Variants in PEX12 observed in about 807,000 individuals in gnomAD.
The protein encoded by PEX12 is peroxisomal biogenesis factor 12.
Under a neutral mutation model 32.5 loss-of-function variants are expected in PEX12, and 31 were observed. The ratio of observed to expected loss-of-function variants is 0.95; its 90% CI spans 0.72 to 1.29. The LOEUF (loss-of-function observed/expected upper bound fraction) is 1.29. Ranked by LOEUF, PEX12 falls within the 50% of genes most tolerant of loss-of-function variation. The pLI, the probability that PEX12 is intolerant of heterozygous loss-of-function variation, is 0.00. For synonymous variants in PEX12, 148 were observed against 157.2 expected, an observed-to-expected ratio of 0.94 and a Z score of 0.44; for missense variants, 359 against 419.0, an observed-to-expected ratio of 0.86 and a Z score of 1.25.
chr17:35,577,523 CAGAGT>C lies in PEX12; in HGVS notation c.190_194del (p.Thr64AlafsTer12), dbSNP rs1214971073. The C allele has an allele frequency of 6.2e-7, 1 of 1,613,806 alleles. No homozygotes were observed. Among genetic ancestry groups the C allele is most frequent in the South Asian group, 1.1e-5 (1 of 91,084 alleles). ...AATGTTGCTGGAGCAGAAGATCTAG[CAGAGT>C]AAAGATTTCATCAAACCACCTCCAC... On this transcript the variant is annotated frameshift_variant, in exon 2 of 3. Coordinates refer to ENST00000225873, the MANE Select transcript of PEX12 (RefSeq NM_000286.3). LOFTEE classifies it high-confidence loss of function.
intron 1 of PEX12, 145 bp downstream of exon 1, chr17:35,577,751 C>CA: frequency 7.6e-7 from 1 of 1,314,296 alleles, no homozygotes; most frequent in Non-Finnish European, 1.1e-6. Flanking sequence ...CTACACATAA[C>CA]AGAGACTCAG....
At position 35,577,979 on chromosome 17, in the gene PEX12, C is replaced by T. The variant is rs200048804; in HGVS notation, c.43G>A (p.Asp15Asn). Reference protein sequence around the residue: ...GAHFTAASVADDQPSIFEVVA... With the variant: ...GAHFTAASVANDQPSIFEVVA... ...ACCTCAAAGATGGATGGCTGGTCAT[C>T]GGCCACAGAAGCAGCTGTGAAGTGA... is the stretch of plus-strand genomic sequence containing the variant. Residue 15 changes from aspartate (D) to asparagine (N), a missense_variant, in exon 1 of 3, where the codon GAT (aspartate) becomes AAT (asparagine). Coordinates refer to ENST00000225873, the MANE Select transcript of PEX12 (RefSeq NM_000286.3). 5 of 1,614,142 alleles carry T rather than the reference C, an allele frequency of 3.1e-6. No individual in the cohort carries two copies. The African/African-American group carries it at 5.3e-5, about 17-fold the overall frequency.
Position 35,577,474 on chromosome 17 carries a change from A to G in PEX12, c.244T>C (p.Phe82Leu), listed in dbSNP as rs2142231070. The G allele has an allele frequency of 2.5e-6, 4 of 1,614,152 alleles. No homozygotes were observed. The highest frequency in any genetic ancestry group is 1.3e-5 in the African/African-American group (1 of 75,060). ...QHYLSRTSAS[F>L]SENFYGLKRI... ...TTTAAGCCGTAAAAGTTTTCAGAAAATGAGGCACTGGTTCTAGACAGATAA... is the reference window on the plus strand; with the variant it reads ...TTTAAGCCGTAAAAGTTTTCAGAAAGTGAGGCACTGGTTCTAGACAGATAA... The change falls in exon 2 of 3, where the codon TTT becomes CTT. Residue 82 changes from phenylalanine (F) to leucine (L), a missense_variant. Coordinates refer to ENST00000225873, the MANE Select transcript of PEX12 (RefSeq NM_000286.3).
Position 35,577,139 on chromosome 17 carries a change from C to T in PEX12, c.579G>A (p.Leu193=). Residue 193 remains leucine, a synonymous_variant, in exon 2 of 3, where the codon CTG becomes CTA. Transcript: ENST00000225873. ...GACCTAGCTGAACTCCAGCCAGCCTCAGCAGTGGTGAGTGATGCTGAGCTT... is the reference window on the plus strand; with the variant it reads ...GACCTAGCTGAACTCCAGCCAGCCTTAGCAGTGGTGAGTGATGCTGAGCTT... ...LGKAQHHSPL[L]RLAGVQLGRL... The T allele has an allele frequency of 6.2e-7, 1 of 1,614,152 alleles. No individual in the cohort carries two copies. The highest frequency in any genetic ancestry group is 8.5e-7 in the Non-Finnish European group (1 of 1,180,022).
At position 35,578,014 on chromosome 17, in the gene PEX12, T is replaced by C. The variant is rs769571282; in HGVS notation, c.8A>G (p.Glu3Gly). The change falls in exon 1 of 3, where the codon GAG becomes GGG. Residue 3 changes from glutamate to glycine, a missense_variant. By Grantham distance (98) the Glu-to-Gly change is moderately conservative. Coordinates refer to ENST00000225873, the MANE Select transcript of PEX12 (RefSeq NM_000286.3). Reference sequence around the variant, plus strand: ...AGCAGCTGTGAAGTGAGCCCCGTGCTCAGCCATAGTTTCCTGCGTGTACTG... The same window carrying C: ...AGCAGCTGTGAAGTGAGCCCCGTGCCCAGCCATAGTTTCCTGCGTGTACTG... The part of the protein sequence containing the change: MA[E>G]HGAHFTAASV... The C allele has an allele frequency of 1.5e-5, 25 of 1,614,030 alleles. No homozygotes were observed. The highest frequency in any genetic ancestry group is 1.6e-4 in the Middle Eastern group (1 of 6,084).
In PEX12 at chr17:35,577,908, C is replaced by T. The variant is rs949083612; in HGVS notation, c.114G>A (p.Gln38=). ...ATTAATACCTTACCTTGACCACATG[C>T]TGAAGAGCGGGTCTCACTGCTGTCA... is the stretch of plus-strand genomic sequence containing the variant. ...SLMTAVRPAL[Q]HVVKVLAESN... Residue 38 remains glutamine (Q), a synonymous_variant, in exon 1 of 3, where the codon CAG becomes CAA. Coordinates refer to ENST00000225873, the MANE Select transcript of PEX12 (RefSeq NM_000286.3). 12 of 1,614,214 alleles carry T rather than the reference C, an allele frequency of 7.4e-6. No individual in the cohort carries two copies. The highest frequency in any genetic ancestry group is 1.7e-5 in the Admixed American group (1 of 60,026).
chr17:35,577,576 T>G lies in PEX12; in HGVS notation c.142A>C (p.Asn48His). The G allele has an allele frequency of 6.2e-7, 1 of 1,613,074 alleles. No individual in the cohort carries two copies. Among genetic ancestry groups the G allele is most frequent in the Non-Finnish European group, 8.5e-7 (1 of 1,180,014 alleles). The change falls in exon 2 of 3, where the codon AAT (asparagine) becomes CAT (histidine). Residue 48 changes from asparagine to histidine, a missense_variant. Coordinates refer to ENST00000225873, the MANE Select transcript of PEX12 (RefSeq NM_000286.3). Reference sequence around the variant, plus strand: ...CACAAGAAGCCATAGTGGGTGGGATTTGATTCTGCAAGAACCTAAAGCAAA... The same window carrying G: ...CACAAGAAGCCATAGTGGGTGGGATGTGATTCTGCAAGAACCTAAAGCAAA... ...QHVVKVLAESNPTHYGFLWRW... is the reference protein window; with the variant it reads ...QHVVKVLAESHPTHYGFLWRW...
Position 35,578,125 on chromosome 17 carries a change from A to G in PEX12, c.-104T>C. 7.1e-7 allele frequency: 1 copy of G among 1,409,608 alleles called. No individual in the cohort carries two copies. Among genetic ancestry groups the G allele is most frequent in the Non-Finnish European group, 1.0e-6 (1 of 1,001,232 alleles). The allele number at this position is 1,409,608 out of a possible 1,614,324, so 87.3% of individuals were successfully genotyped here. A position where few individuals can be genotyped will look rare whatever the true frequency, so the allele number is the denominator to read the frequency against. On this transcript the variant is annotated 5_prime_UTR_variant, in exon 1 of 3. Transcript: ENST00000225873. ...AGATGGGTGCTCAGTCTTAAAGGTAAACTTTCTGCATGATATCTGAAACTC... is the reference window on the plus strand; with the variant it reads ...AGATGGGTGCTCAGTCTTAAAGGTAGACTTTCTGCATGATATCTGAAACTC...
Position 35,575,798 on chromosome 17 carries a change from T to C in PEX12, c.1064A>G (p.Tyr355Cys). ...PTEVQHLIKL[Y>C]SPEN ...GATTCCCTTTCAGTTCTCAGGGGAGTAGAGTTTAATCAGATGTTGTACTTC... is the reference window on the plus strand; with the variant it reads ...GATTCCCTTTCAGTTCTCAGGGGAGCAGAGTTTAATCAGATGTTGTACTTC... Residue 355 changes from tyrosine (Y) to cysteine (C), a missense_variant, in exon 3 of 3, where the codon TAC becomes TGC. Physicochemically the swap from Tyr to Cys is radical, Grantham distance 194 (BLOSUM62 -2). Coordinates refer to ENST00000225873, the MANE Select transcript of PEX12 (RefSeq NM_000286.3). The C allele has an allele frequency of 1.9e-6, 3 of 1,613,998 alleles. No homozygotes were observed. The highest frequency in any genetic ancestry group is 2.5e-6 in the Non-Finnish European group (3 of 1,179,984).
In PEX12 at chr17:35,578,183, G is replaced by C. The variant is rs1457426871; in HGVS notation, c.-162C>G. The C allele has an allele frequency of 1.1e-5, 10 of 885,242 alleles. No individual in the cohort carries two copies. The highest frequency in any genetic ancestry group is 1.8e-5 in the Non-Finnish European group (10 of 560,078). 54.8% of individuals were successfully genotyped at this position (885,242 alleles called of 1,614,324 possible). ...AATCTTATGGGCAAAAATGAACTGG[G>C]AAAAAAAGACCTGGAGGCCGAGGGT... On this transcript the variant is annotated 5_prime_UTR_variant, in exon 1 of 3. Transcript: ENST00000225873.
chr17:35,576,274 C>G, intron 2 of PEX12, 93 bp from the exon 3 acceptor site: 1 of 1,205,460 alleles, frequency 8.3e-7, no homozygotes. Context: ...TTACATTTTT[C>G]ATCAGAATCA....
rs1377586841 is a variant in PEX12, at chr17:35,575,672, A to C, written c.*110T>G. The stretch of plus-strand genomic sequence containing the variant: ...AAATCCATATAATCATTTAAAGTTC[A>C]TATAGTTATGAATTGAGGCTGAGAA... On this transcript the variant is annotated 3_prime_UTR_variant, in exon 3 of 3. Transcript: ENST00000225873. 4 of 1,026,848 alleles carry C rather than the reference A, an allele frequency of 3.9e-6. No individual in the cohort carries two copies. Among genetic ancestry groups the C allele is most frequent in the Non-Finnish European group, 6.2e-6 (4 of 645,808 alleles). 63.6% of individuals were successfully genotyped at this position (1,026,848 alleles called of 1,614,324 possible).
At position 35,577,958 on chromosome 17, in the gene PEX12, C is replaced by A; in HGVS notation, c.64G>T (p.Glu22Ter). The change falls in exon 1 of 3, where the codon GAG becomes TAG. Residue 22 changes from glutamate (E) to a stop codon, truncating the protein, a stop_gained. Coordinates refer to ENST00000225873, the MANE Select transcript of PEX12 (RefSeq NM_000286.3). LOFTEE classifies it high-confidence loss of function. ...ATTAAACTGTCCTGTGCTACCACCT[C>A]AAAGATGGATGGCTGGTCATCGGCC... ...SVADDQPSIF[E>*]VVAQDSLMTA... The A allele has an allele frequency of 6.2e-7, 1 of 1,614,174 alleles. No homozygotes were observed. The highest frequency in any genetic ancestry group is 1.1e-5 in the South Asian group (1 of 91,080).
At position 35,577,222 on chromosome 17, in the gene PEX12, C is replaced by CAAAT; in HGVS notation, c.492_495dup (p.Val166IlefsTer53). 1 of 1,614,164 alleles carries CAAAT rather than the reference C, an allele frequency of 6.2e-7. No individual in the cohort carries two copies. Among genetic ancestry groups the CAAAT allele is most frequent in the Non-Finnish European group, 8.5e-7 (1 of 1,180,028 alleles). On this transcript the variant is annotated frameshift_variant, in exon 2 of 3. Transcript: ENST00000225873. LOFTEE classifies it high-confidence loss of function. ...AACCATCCTTCCCAGGCCATGTTCACAAATGGGTAGGCTGCCAGGAAAGCT... is the reference window on the plus strand; with the variant it reads ...AACCATCCTTCCCAGGCCATGTTCACAAATAAATGGGTAGGCTGCCAGGAAAGCT...
At chr17:35,576,948 C>T (rs1317773792) in intron 2 of PEX12, 90 bp downstream of exon 2, 4 of 1,130,114 alleles carry the variant, frequency 3.5e-6, no homozygotes, top group Non-Finnish European at 5.3e-6. Context: ...TGAAATGCCA[C>T]AAAGTTAACA....
At chr17:35,577,848 T>A (rs764757906) in intron 1 of PEX12, 48 bp downstream of exon 1, 2 of 1,612,420 alleles carry the variant, frequency 1.2e-6, no homozygotes, top group African/African-American at 1.3e-5. Context: ...TATTCGTTTG[T>A]TTTTTACCCA....
At position 35,577,593 on chromosome 17, in the gene PEX12, T is replaced by G; in HGVS notation, c.127-2A>C. 1 of 1,610,036 alleles carries G rather than the reference T, an allele frequency of 6.2e-7. No individual in the cohort carries two copies. The highest frequency in any genetic ancestry group is 8.5e-7 in the Non-Finnish European group (1 of 1,178,630). On this transcript the variant is annotated splice_acceptor_variant, in intron 1 of 2. Coordinates refer to ENST00000225873, the MANE Select transcript of PEX12 (RefSeq NM_000286.3). LOFTEE classifies it high-confidence loss of function. ...GGTGGGATTTGATTCTGCAAGAACC[T>G]AAAGCAAAATAAAGCAATAAGTGAA...
At chr17:35,577,614 G>C in intron 1 of PEX12, 23 bp from the exon 2 acceptor site, 1 of 1,601,638 alleles carries the variant, frequency 6.2e-7, no homozygotes, top group Non-Finnish European at 8.5e-7. Flanking sequence ...AAAGCAATAA[G>C]TGAAATTCAT....
chr17:35,577,674 G>A, intron 1 of PEX12, 83 bp from the exon 2 acceptor site: 2 of 1,441,130 alleles, frequency 1.4e-6, no homozygotes. Context: ...TTCCTCTAAA[G>A]TCTACACAAT....
Sources: allele counts gnomAD v4.1 joint callset, GRCh38; gene constraint gnomAD v4.1.1; transcripts MANE v1.5; gene names NCBI Gene and HGNC (gene_info 2026-07-23, HGNC 2026-07-21).